TSPAN14: variants seen among roughly 807,000 people sequenced by gnomAD.
TSPAN14 encodes tetraspanin 14.
In TSPAN14, 16 loss-of-function variants were observed where a neutral mutation model predicts 36.6. That is an observed-to-expected ratio of 0.44 (90% CI 0.30 to 0.66). The LOEUF is 0.66. Among genes scored for constraint, TSPAN14 ranks in the 30% least tolerant of loss-of-function variants. The pLI, the probability that TSPAN14 is intolerant of heterozygous loss-of-function variation, is 0.12. For synonymous variants in TSPAN14, 139 were observed against 143.8 expected, an observed-to-expected ratio of 0.97 and a Z score of 0.24; for missense variants, 231 against 355.1, an observed-to-expected ratio of 0.65 and a Z score of 2.81.
intron 1 of TSPAN14, among the ~76,000 whole-genome samples, chr10:80,461,656 T>A (rs1483509418): frequency 6.6e-6 from 1 of 151,844 alleles, no homozygotes; most frequent in Non-Finnish European, 1.5e-5. Flanking sequence ...GCCCTGACGC[T>A]CCCCTCCATG....
chr10:80,517,800 G>A (rs1440262603), intron 8 of TSPAN14, 105 bp from the exon 9 acceptor site: 7 of 1,089,496 alleles, frequency 6.4e-6, no homozygotes, highest in Admixed American at 2.0e-5. Flanking sequence ...CAGCTGGGGG[G>A]TGAGGAGAGG....
At position 80,483,979 on chromosome 10, in the gene TSPAN14, C is replaced by T. The variant is rs375759100; in HGVS notation, c.-17-5238C>T. Among the ~76,000 whole-genome samples, 5 of 138,146 alleles carry T rather than the reference C, an allele frequency of 3.6e-5. No homozygotes were observed. The South Asian group carries it at 1.2e-3, about 33-fold the overall frequency. The allele number at this position is 138,146 out of a possible 152,430, so 90.6% of individuals were successfully genotyped here. On this transcript the variant is annotated intron_variant, in intron 1 of 8. Coordinates refer to ENST00000429989, the Ensembl canonical transcript of TSPAN14. ...GTAAAATAGGCCAGGCACGGTGACT[C>T]ACGCCTGTAATCTCAGCACTTTGGA...
chr10:80,516,444 AAG>A (rs1840947001), intron 8 of TSPAN14, 121 bp downstream of exon 8: 1 of 1,428,636 alleles, frequency 7.0e-7, no homozygotes, highest in African/African-American at 1.4e-5. Context: ...AGAAGAAAAA[AAG>A]GGATTCAACT....
At position 80,516,325 on chromosome 10, in the gene TSPAN14, T is replaced by G; in HGVS notation, c.741+2T>G. On this transcript the variant is annotated splice_donor_variant, in intron 8 of 8. Transcript: ENST00000429989. LOFTEE classifies it high-confidence loss of function. ...TTCATCGCCATCTCGCTGTTGCAGG[T>G]GTGTCCCAGGAGCCTATAGGATTGG... 6.2e-7 allele frequency: 1 copy of G among 1,614,194 alleles called. No individual in the cohort carries two copies. The highest frequency in any genetic ancestry group is 8.5e-7 in the Non-Finnish European group (1 of 1,180,028).
At chr10:80,485,836 G>A (rs1847561282) in intron 1 of TSPAN14, 1 of 365,912 alleles carries the variant, frequency 2.7e-6, no homozygotes, top group Non-Finnish European at 3.8e-6. Flanking sequence ...TGAGGATGGG[G>A]GAAAAAGTGT....
chr10:80,509,216 G>T lies in TSPAN14; in HGVS notation c.280-85G>T. The T allele has an allele frequency of 2.1e-6, 3 of 1,451,974 alleles. No individual in the cohort carries two copies. In the South Asian group the frequency reaches 3.9e-5, roughly 19 times the overall value. 89.9% of individuals were successfully genotyped at this position (1,451,974 alleles called of 1,614,324 possible). On this transcript the variant is annotated intron_variant, in intron 4 of 8. Transcript: ENST00000429989. The surrounding 1 kb of genome is among the most constrained non-coding windows in gnomAD (Gnocchi z 4.7). ...CAGAGCCCACGCTCTGCTGAGGATG[G>T]TGGTTCTGGGTCAGGTGGGGTTATG...
chr10:80,504,849 T>G, intron 3 of TSPAN14, 71 bp downstream of exon 3: 1 of 1,511,738 alleles, frequency 6.6e-7, no homozygotes, highest in African/African-American at 1.4e-5. Flanking sequence ...TCATTTTCCC[T>G]CCTCCAATCT....
At chr10:80,489,451 C>A in intron 2 of TSPAN14, 137 bp downstream of exon 2, 1 of 675,772 alleles carries the variant, frequency 1.5e-6, no homozygotes, top group Non-Finnish European at 2.6e-6. Flanking sequence ...TGACCCCTAC[C>A]CTCACAGAAC....
At chr10:80,466,986 G>T (rs1410026409) in intron 1 of TSPAN14, among the ~76,000 whole-genome samples, 1 of 152,204 alleles carries the variant, frequency 6.6e-6, no homozygotes, top group Non-Finnish European at 1.5e-5. Context: ...AAAATTTAGA[G>T]TCAGCAGAAA....
rs566722387 is a variant in TSPAN14, at chr10:80,470,379, T to G, written c.-18+16008T>G. Among the ~76,000 whole-genome samples the G allele has an allele frequency of 2.0e-5, 3 of 152,334 alleles. No individual in the cohort carries two copies. The South Asian group carries it at 6.2e-4, about 32-fold the overall frequency. ...CAGGTGTGAACCGCTGCGCCCAGCC[T>G]TTCCTGAATACTTTTGATCCTGGTT... On this transcript the variant is annotated intron_variant, in intron 1 of 8. Transcript: ENST00000429989.
At chr10:80,486,641 A>C (rs1318900476) in intron 1 of TSPAN14, among the ~76,000 whole-genome samples, 2 of 152,146 alleles carry the variant, frequency 1.3e-5, no homozygotes, top group Non-Finnish European at 2.9e-5. Context: ...CCTGAGGCCC[A>C]GCTCCCTGGA....
intron 2 of TSPAN14, among the ~76,000 whole-genome samples, chr10:80,502,754 A>G (rs1848594546): frequency 6.6e-6 from 1 of 152,086 alleles, no homozygotes; most frequent in Non-Finnish European, 1.5e-5. Flanking sequence ...ACATTAGGGT[A>G]TTTGACCGGG....
chr10:80,472,469 A>G (rs1021611711), intron 1 of TSPAN14, among the ~76,000 whole-genome samples: 3 of 152,156 alleles, frequency 2.0e-5, no homozygotes, highest in South Asian at 2.1e-4. Flanking sequence ...CTAAGTTACT[A>G]TTTTGTTCTT....
chr10:80,520,388 G>T, exon 9 of TSPAN14: 2 of 399,504 alleles, frequency 5.0e-6, no homozygotes, highest in South Asian at 3.9e-5. Context: ...CGGTCACGTG[G>T]CAGTCTCCGC....
chr10:80,520,637 T>TCTTCCTATCGCTGGC (rs1352933048), exon 9 of TSPAN14: 4 of 533,464 alleles, frequency 7.5e-6, no homozygotes, highest in African/African-American at 5.8e-5. Context: ...TCCTGTCCCG[T>TCTTCCTATCGCTGGC]CTTCCTATCG....
intron 1 of TSPAN14, among the ~76,000 whole-genome samples, chr10:80,488,032 C>G (rs1433521673): frequency 1.3e-5 from 2 of 152,208 alleles, no homozygotes; most frequent in Non-Finnish European, 2.9e-5. Context: ...TCCGTGGAAG[C>G]TGGTTTCTCA....
chr10:80,474,188 T>C (rs1470291962), intron 1 of TSPAN14, among the ~76,000 whole-genome samples: 4 of 151,978 alleles, frequency 2.6e-5, no homozygotes, highest in Non-Finnish European at 4.4e-5. Flanking sequence ...TGTGATCAGG[T>C]CAGAGGCCAG....
chr10:80,464,232 CT>C (rs1846123980), intron 1 of TSPAN14, among the ~76,000 whole-genome samples: 1 of 152,332 alleles, frequency 6.6e-6, no homozygotes, highest in East Asian at 1.9e-4. Flanking sequence ...TCTGGCCTCC[CT>C]TGGCCTTTCG....
In TSPAN14 at chr10:80,470,816, TTTGTC is replaced by T. The variant is rs1846508750; in HGVS notation, c.-18+16449_-18+16453del. 7.9e-5 allele frequency among the ~76,000 whole-genome samples: 12 copies of T among 152,204 alleles called. No individual in the cohort carries two copies. In the South Asian group the frequency reaches 2.1e-3, roughly 26 times the overall value. ...GCCCTGCAAGGATGACCATGCTGGTTTTGTCTTGGTATCATCTGCAGGGCCCAGCC... is the reference window on the plus strand; with the variant it reads ...GCCCTGCAAGGATGACCATGCTGGTTTTGGTATCATCTGCAGGGCCCAGCC... On this transcript the variant is annotated intron_variant, in intron 1 of 8. Coordinates refer to ENST00000429989, the Ensembl canonical transcript of TSPAN14.
Sources: allele counts gnomAD v4.1 joint callset (sites outside exome capture counted in the v4.1 genomes callset), GRCh38; gene constraint gnomAD v4.1.1; non-coding constraint Gnocchi (gnomAD v3.1); transcripts MANE v1.5; gene names NCBI Gene and HGNC (gene_info 2026-07-23, HGNC 2026-07-21).